BRINP1: variants seen among roughly 807,000 people sequenced by gnomAD.
BRINP1 encodes the protein BMP/retinoic acid inducible neural specific 1, also known as BMP/retinoic acid-inducible neural-specific protein 1.
Under a neutral mutation model 72.9 loss-of-function variants are expected in BRINP1, and 17 were observed. The ratio of observed to expected loss-of-function variants is 0.23; its 90% confidence interval spans 0.16 to 0.35. BRINP1 has a LOEUF of 0.35. BRINP1 is among the 10% of genes least tolerant of loss of function. BRINP1 has a pLI of 1.00. For synonymous variants in BRINP1, 418 were observed against 378.5 expected (o/e 1.10, Z -1.21); for missense variants, 850 against 1,001.6 (o/e 0.85, Z 2.04).
At chr9:119,288,230 AACCTCACAGT>A (rs1424486376) in intron 2 of BRINP1, among the ~76,000 whole-genome samples, 1 of 152,212 alleles carries the variant, frequency 6.6e-6, no homozygotes, top group Non-Finnish European at 1.5e-5. Flanking sequence ...ATATAACTTC[AACCTCACAGT>A]AGCTTTCTGT....
At chr9:119,193,838 G>C (rs2118853701) in intron 7 of BRINP1, among the ~76,000 whole-genome samples, 1 of 152,310 alleles carries the variant, frequency 6.6e-6, no homozygotes, top group Non-Finnish European at 1.5e-5. Context: ...TTGAATCTGG[G>C]AAGATCCTAC....
rs575018151 is a variant in BRINP1 at position 119,319,348 on chromosome 9, A to C, written c.-50-5943T>G. 2.4e-4 allele frequency among the ~76,000 whole-genome samples: 36 copies of C among 152,352 alleles called. No homozygotes were observed. The South Asian group carries it at 5.6e-3, about 24-fold the overall frequency. On this transcript the variant is annotated intron_variant, in intron 1 of 7. Coordinates refer to ENST00000265922, the MANE Select transcript of BRINP1 (RefSeq NM_014618.3). ...GTAGAGATGAATGTTTCATGGAAGA[A>C]GTCAGAATATATCTCTGTTGATTTA...
chr9:119,351,570 C>A (rs911026094), intron 1 of BRINP1, among the ~76,000 whole-genome samples: 8 of 152,134 alleles, frequency 5.3e-5, no homozygotes. Context: ...GGACTGAACT[C>A]CCAAAGCACC....
chr9:119,343,868 C>G (rs900301672), intron 1 of BRINP1, among the ~76,000 whole-genome samples: 1 of 152,214 alleles, frequency 6.6e-6, no homozygotes, highest in African/African-American at 2.4e-5. Flanking sequence ...CACGTGTTTA[C>G]ATATGTTGTT....
chr9:119,366,816 C>T (rs767471274), intron 1 of BRINP1, among the ~76,000 whole-genome samples: 9 of 151,952 alleles, frequency 5.9e-5, no homozygotes, highest in Non-Finnish European at 1.3e-4. Context: ...TAGTCCTGGG[C>T]ATGCCACTAA....
rs890095274 is a variant in BRINP1, at chr9:119,368,785, A to G, written c.-51+271T>C. On this transcript the variant is annotated intron_variant, in intron 1 of 7. Coordinates refer to ENST00000265922, the MANE Select transcript of BRINP1 (RefSeq NM_014618.3). The surrounding 1 kb of genome is among the most constrained non-coding windows in gnomAD (Gnocchi z 4.7). Reference sequence around the variant, plus strand: ...GCACACGCAAACACACTAGCACCACATCAAGTTCCCACCATGGTGCACACG... The same window carrying G: ...GCACACGCAAACACACTAGCACCACGTCAAGTTCCCACCATGGTGCACACG... Among the ~76,000 whole-genome samples, 1 of 152,122 alleles carries G rather than the reference A, an allele frequency of 6.6e-6. No individual in the cohort carries two copies. Among genetic ancestry groups the G allele is most frequent in the African/African-American group, 2.4e-5 (1 of 41,442 alleles).
At chr9:119,353,227 A>G (rs1306114774) in intron 1 of BRINP1, among the ~76,000 whole-genome samples, 4 of 152,140 alleles carry the variant, frequency 2.6e-5, no homozygotes, top group Non-Finnish European at 4.4e-5. Flanking sequence ...ATTGAGCTTG[A>G]ATGAGCTGAT....
rs552761752 is a variant in BRINP1 at position 119,222,012 on chromosome 9, C to T, written c.686-7857G>A. ...CCTCTTAGAGATAACTACACATCCCCACTCTCCAAACTTAAACAAGTTCAC... is the reference window on the plus strand; with the variant it reads ...CCTCTTAGAGATAACTACACATCCCTACTCTCCAAACTTAAACAAGTTCAC... On this transcript the variant is annotated intron_variant, in intron 5 of 7. Coordinates refer to ENST00000265922, the MANE Select transcript of BRINP1 (RefSeq NM_014618.3). Among the ~76,000 whole-genome samples, 8 of 152,260 alleles carry T rather than the reference C, an allele frequency of 5.3e-5. No homozygotes were observed. In the East Asian group the frequency reaches 1.4e-3, roughly 26 times the overall value.
chr9:119,209,628 T>C (rs908160252), intron 6 of BRINP1, among the ~76,000 whole-genome samples: 8 of 151,326 alleles, frequency 5.3e-5, no homozygotes, highest in Non-Finnish European at 1.2e-4. Flanking sequence ...AAAATCACTA[T>C]TGCATGCCTT....
intron 1 of BRINP1, among the ~76,000 whole-genome samples, chr9:119,314,434 C>A (rs1020420977): frequency 6.6e-6 from 1 of 152,196 alleles, no homozygotes; most frequent in Non-Finnish European, 1.5e-5. Flanking sequence ...GGCACAATCT[C>A]AGCTCACTAC....
At chr9:119,262,268 G>A (rs1830503494) in intron 2 of BRINP1, among the ~76,000 whole-genome samples, 1 of 152,120 alleles carries the variant, frequency 6.6e-6, no homozygotes, top group Non-Finnish European at 1.5e-5. Context: ...TATATAAATT[G>A]TTCTTAAACT....
chr9:119,271,783 T>C (rs1830608104), intron 2 of BRINP1, among the ~76,000 whole-genome samples: 1 of 152,026 alleles, frequency 6.6e-6, no homozygotes, highest in Non-Finnish European at 1.5e-5. Flanking sequence ...TTCTTTGTCT[T>C]TTTTCATTTT....
intron 7 of BRINP1, among the ~76,000 whole-genome samples, chr9:119,176,757 C>G (rs574406509): frequency 2.6e-5 from 4 of 152,270 alleles, no homozygotes; most frequent in Admixed American, 2.6e-4. Context: ...GAGACACTCT[C>G]GGGGATTTCA....
At chr9:119,356,241 C>T (rs928837940) in intron 1 of BRINP1, among the ~76,000 whole-genome samples, 1 of 152,166 alleles carries the variant, frequency 6.6e-6, no homozygotes, top group African/African-American at 2.4e-5. Context: ...ATCTCTGCTC[C>T]AATGTCACCA....
chr9:119,195,493 G>A (rs879310703), intron 7 of BRINP1, among the ~76,000 whole-genome samples: 1 of 152,112 alleles, frequency 6.6e-6, no homozygotes, highest in African/African-American at 2.4e-5. Context: ...TGGTTATTCC[G>A]ATCACATAAC....
chr9:119,172,501 C>T (rs1483578267), intron 7 of BRINP1, among the ~76,000 whole-genome samples: 4 of 151,694 alleles, frequency 2.6e-5, no homozygotes, highest in African/African-American at 9.7e-5. Context: ...AGCTTACCAA[C>T]CAAAAAGAGT....
intron 1 of BRINP1, among the ~76,000 whole-genome samples, chr9:119,338,598 C>T (rs373045936): frequency 2.7e-5 from 4 of 149,896 alleles, no homozygotes; most frequent in South Asian, 4.2e-4. Flanking sequence ...TGGGGGCGGG[C>T]GCGGTGGCTC....
intron 5 of BRINP1, among the ~76,000 whole-genome samples, chr9:119,231,624 G>C (rs1034484295): frequency 1.3e-5 from 2 of 152,030 alleles, no homozygotes; most frequent in Non-Finnish European, 2.9e-5. Flanking sequence ...AGTGACCCAT[G>C]TGTTGCTAAA....
intron 2 of BRINP1, among the ~76,000 whole-genome samples, chr9:119,299,406 G>A (rs1363691901): frequency 6.6e-6 from 1 of 152,226 alleles, no homozygotes; most frequent in East Asian, 1.9e-4. Context: ...CTGAGGTCGG[G>A]AGTTCAAGAC....
Sources: gnomAD v4.1 joint callset for allele counts (sites outside exome capture counted in the v4.1 genomes callset) on GRCh38, gnomAD v4.1.1 for gene constraint, Gnocchi (gnomAD v3.1) non-coding constraint, MANE v1.5 for transcripts, NCBI Gene and HGNC (gene_info 2026-07-23, HGNC 2026-07-21) for gene names.